Variants in PCOLCE2 observed in about 807,000 individuals in gnomAD.
PCOLCE2 encodes the protein procollagen C-proteinase enhancer 2.
PCOLCE2 carries 42 observed loss-of-function variants against 47.0 expected under a neutral mutation model. The ratio of observed to expected loss-of-function variants is 0.89; its 90% CI spans 0.70 to 1.16. The LOEUF is 1.16. Ranked by LOEUF, PCOLCE2 falls within the 50% of genes most tolerant of loss-of-function variation. The pLI is 0.00. For missense variants in PCOLCE2, 500 were observed against 526.1 expected (o/e 0.95, Z 0.49); for synonymous variants, 169 against 191.7 (o/e 0.88, Z 0.98).
At chr3:142,820,739 C>A in intron 8 of PCOLCE2, 139 bp downstream of exon 8, 1 of 629,664 alleles carries the variant, frequency 1.6e-6, no homozygotes, top group South Asian at 2.5e-5. Context: ...GATGAGAGCC[C>A]AATTCTGCCT....
chr3:142,847,573 A>C (rs564751022), intron 3 of PCOLCE2, among the ~76,000 whole-genome samples: 1 of 152,252 alleles, frequency 6.6e-6, no homozygotes, highest in South Asian at 2.1e-4. Flanking sequence ...GGGTCTCAAC[A>C]ACACCCAGGC....
intron 2 of PCOLCE2, among the ~76,000 whole-genome samples, chr3:142,879,853 C>T (rs1199564072): frequency 6.6e-6 from 1 of 151,810 alleles, no homozygotes; most frequent in Non-Finnish European, 1.5e-5. Context: ...CGCCTGTAGT[C>T]CCAGCTACTG....
intron 6 of PCOLCE2, among the ~76,000 whole-genome samples, chr3:142,826,594 CT>C (rs1937081421): frequency 6.6e-6 from 1 of 152,150 alleles, no homozygotes; most frequent in African/African-American, 2.4e-5. Flanking sequence ...AAAGCCTCTC[CT>C]TCTTCTTTAA....
At chr3:142,840,117 G>A (rs1375873399) in intron 4 of PCOLCE2, among the ~76,000 whole-genome samples, 1 of 152,206 alleles carries the variant, frequency 6.6e-6, no homozygotes, top group Non-Finnish European at 1.5e-5. Context: ...TGATGGCAGT[G>A]TCTTCTTGAA....
At chr3:142,868,324 C>T (rs1053169310) in intron 2 of PCOLCE2, among the ~76,000 whole-genome samples, 3 of 152,154 alleles carry the variant, frequency 2.0e-5, no homozygotes, top group East Asian at 3.9e-4. Context: ...TGAATGGACC[C>T]CTCGTCTTGG....
intron 6 of PCOLCE2, chr3:142,827,671 C>G: frequency 1.4e-6 from 2 of 1,380,070 alleles, no homozygotes; most frequent in Non-Finnish European, 2.1e-6. Context: ...TAAACCAGTA[C>G]GGGTCGCGGA....
intron 6 of PCOLCE2, among the ~76,000 whole-genome samples, chr3:142,825,459 T>C (rs1369257926): frequency 6.6e-6 from 1 of 152,188 alleles, no homozygotes; most frequent in African/African-American, 2.4e-5. Context: ...CACCCTCCCA[T>C]GTCTGATCCC....
intron 5 of PCOLCE2, among the ~76,000 whole-genome samples, chr3:142,831,778 A>G (rs1937155465): frequency 6.6e-6 from 1 of 152,242 alleles, no homozygotes; most frequent in African/African-American, 2.4e-5. Flanking sequence ...ACATGATGTT[A>G]TAATTATATG....
chr3:142,863,552 G>A (rs1004329788), intron 2 of PCOLCE2, among the ~76,000 whole-genome samples: 3 of 148,594 alleles, frequency 2.0e-5, no homozygotes, highest in Non-Finnish European at 3.0e-5. Context: ...GGCCACAGAC[G>A]ACTGTCTTAC....
chr3:142,860,934 A>G (rs1249168939), intron 2 of PCOLCE2, among the ~76,000 whole-genome samples: 1 of 151,870 alleles, frequency 6.6e-6, no homozygotes, highest in African/African-American at 2.4e-5. Flanking sequence ...CAATTCAGGA[A>G]CCCCCATTCC....
intron 4 of PCOLCE2, among the ~76,000 whole-genome samples, chr3:142,841,673 A>G (rs761457765): frequency 2.0e-5 from 3 of 152,222 alleles, no homozygotes; most frequent in Non-Finnish European, 4.4e-5. Context: ...TTATGTCTGT[A>G]TATATGTGTA....
rs547476343 is a variant in PCOLCE2, at chr3:142,854,230, A to G, written c.193-5758T>C. Among the ~76,000 whole-genome samples the G allele has an allele frequency of 2.0e-5, 3 of 152,192 alleles. No homozygotes were observed. In the South Asian group the frequency reaches 6.2e-4, roughly 32 times the overall value. On this transcript the variant is annotated intron_variant, in intron 2 of 8. Transcript: ENST00000295992. ...GCACGTGATTTTTTTTTAAGCCATC[A>G]TTCTAATCTTCTACGATTTCCCTCT...
At chr3:142,839,042 T>A in intron 4 of PCOLCE2, 136 bp from the exon 5 acceptor site, 1 of 597,664 alleles carries the variant, frequency 1.7e-6, no homozygotes, top group Non-Finnish European at 2.8e-6. Context: ...AAGTGCTTTT[T>A]GTTGCATATT....
rs941591317 is a variant in PCOLCE2, at chr3:142,841,906, G to A, written c.573+1018C>T. 5.3e-5 allele frequency among the ~76,000 whole-genome samples: 8 copies of A among 152,166 alleles called. No homozygotes were observed. In the East Asian group the frequency reaches 1.5e-3, roughly 29 times the overall value. ...AAAGTTATCTTTAAAGGTCCACAAA[G>A]TAGATTTCATGTGTTTCTATGCTAA... On this transcript the variant is annotated intron_variant, in intron 4 of 8. Transcript: ENST00000295992.
intron 2 of PCOLCE2, among the ~76,000 whole-genome samples, chr3:142,885,888 C>T (rs964532173): frequency 2.0e-5 from 3 of 152,208 alleles, no homozygotes; most frequent in Non-Finnish European, 2.9e-5. Flanking sequence ...CCACTGTCCC[C>T]TTGCTCATTC....
intron 2 of PCOLCE2, among the ~76,000 whole-genome samples, chr3:142,874,890 G>A (rs758057000): frequency 3.9e-5 from 6 of 152,198 alleles, no homozygotes; most frequent in Non-Finnish European, 8.8e-5. Flanking sequence ...GACATCAGGT[G>A]TGTACTAGGG....
chr3:142,884,277 G>C (rs1933682003), intron 2 of PCOLCE2, among the ~76,000 whole-genome samples: 1 of 152,140 alleles, frequency 6.6e-6, no homozygotes, highest in Non-Finnish European at 1.5e-5. Flanking sequence ...GGGAGTTATT[G>C]GTTCTGGTTC....
intron 2 of PCOLCE2, among the ~76,000 whole-genome samples, chr3:142,876,109 A>G (rs974114402): frequency 6.6e-6 from 1 of 152,118 alleles, no homozygotes; most frequent in African/African-American, 2.4e-5. Flanking sequence ...CTCAAATGTC[A>G]CCTCATCAGT....
At chr3:142,844,588 G>A (rs1206601549) in intron 3 of PCOLCE2, among the ~76,000 whole-genome samples, 1 of 152,284 alleles carries the variant, frequency 6.6e-6, no homozygotes, top group African/African-American at 2.4e-5. Flanking sequence ...AGCCAACATG[G>A]TGGGTAAGTA....
Sources: gnomAD v4.1 joint callset for allele counts (sites outside exome capture counted in the v4.1 genomes callset) on GRCh38, gnomAD v4.1.1 for gene constraint, MANE v1.5 for transcripts, NCBI Gene and HGNC (gene_info 2026-07-23, HGNC 2026-07-21) for gene names.